Variants in EPHB2 observed in about 807,000 individuals in gnomAD.
The protein encoded by EPHB2 is ephrin type-B receptor 2.
EPHB2 carries 18 observed loss-of-function variants against 96.4 expected under a neutral mutation model. That is an observed-to-expected ratio of 0.19 (90% confidence interval 0.13 to 0.28). EPHB2 has a LOEUF of 0.28. Among genes scored for constraint, EPHB2 ranks in the 10% least tolerant of loss-of-function variants. The pLI, the probability that EPHB2 is intolerant of heterozygous loss-of-function variation, is 1.00. For missense variants in EPHB2, 989 were observed against 1,355.4 expected (o/e 0.73, Z 4.25); for synonymous variants, 506 against 534.1 (o/e 0.95, Z 0.72).
intron 3 of EPHB2, among the ~76,000 whole-genome samples, chr1:22,834,556 G>A (rs1450346432): frequency 6.6e-6 from 1 of 152,044 alleles, no homozygotes; most frequent in African/African-American, 2.4e-5. Flanking sequence ...CTGCCATTGT[G>A]ACATAAAATC....
Position 22,913,761 on chromosome 1 carries a change from A to T in EPHB2, c.*191A>T. On this transcript the variant is annotated 3_prime_UTR_variant, in exon 16 of 16. Coordinates refer to ENST00000374630, the MANE Select transcript of EPHB2 (RefSeq NM_017449.5). The surrounding 1 kb of genome is among the most constrained non-coding windows in gnomAD (Gnocchi z 4.1). ...TGCAACTCAAACGACGGAAAAAAAA[A>T]GGGAATGGGAAAAAAGAAAACAGAT... The T allele has an allele frequency of 6.2e-7, 1 of 1,606,332 alleles. No individual in the cohort carries two copies. Among genetic ancestry groups the T allele is most frequent in the Non-Finnish European group, 8.5e-7 (1 of 1,176,196 alleles).
At chr1:22,736,123 C>A (rs1218046289) in intron 1 of EPHB2, among the ~76,000 whole-genome samples, 1 of 152,146 alleles carries the variant, frequency 6.6e-6, no homozygotes, top group Non-Finnish European at 1.5e-5. Flanking sequence ...TAAAGATGAT[C>A]GTAGTGGTCA....
intron 1 of EPHB2, among the ~76,000 whole-genome samples, chr1:22,758,651 C>G (rs1048251717): frequency 4.1e-4 from 62 of 151,778 alleles, no homozygotes; most frequent in Non-Finnish European, 2.5e-4. Flanking sequence ...ACCTCTCACA[C>G]ATGGTCTTTC....
intron 6 of EPHB2, among the ~76,000 whole-genome samples, chr1:22,890,531 T>C (rs756641956): frequency 4.6e-5 from 7 of 152,134 alleles, no homozygotes; most frequent in Non-Finnish European, 1.0e-4. Flanking sequence ...TGCACATCTT[T>C]GTCTGGGTGG....
At chr1:22,719,781 G>T (rs1439368013) in intron 1 of EPHB2, among the ~76,000 whole-genome samples, 1 of 152,206 alleles carries the variant, frequency 6.6e-6, no homozygotes, top group African/African-American at 2.4e-5. Context: ...CCAGGGTTCA[G>T]GGGTTCAGGC....
intron 2 of EPHB2, among the ~76,000 whole-genome samples, chr1:22,782,532 GTCA>G (rs1644549600): frequency 1.3e-5 from 2 of 150,724 alleles, no homozygotes; most frequent in Non-Finnish European, 2.9e-5. Flanking sequence ...GCTCTTTCTT[GTCA>G]CCAATTTTCC....
rs541035907 is a variant in EPHB2, at chr1:22,913,699, C to G, written c.*129C>G. ...GGAGGCCACGGGCCACGGGAAGAACCAAGCGGTGCCAGCCACGAGACGTCA... is the reference window on the plus strand; with the variant it reads ...GGAGGCCACGGGCCACGGGAAGAACGAAGCGGTGCCAGCCACGAGACGTCA... On this transcript the variant is annotated 3_prime_UTR_variant, in exon 16 of 16. Coordinates refer to ENST00000374630, the MANE Select transcript of EPHB2 (RefSeq NM_017449.5). The surrounding 1 kb of genome is among the most constrained non-coding windows in gnomAD (Gnocchi z 4.1). 6 of 1,602,374 alleles carry G rather than the reference C, an allele frequency of 3.7e-6. No homozygotes were observed. The African/African-American group carries it at 8.0e-5, about 21-fold the overall frequency.
At chr1:22,777,131 A>G (rs1644463955) in intron 1 of EPHB2, among the ~76,000 whole-genome samples, 1 of 152,232 alleles carries the variant, frequency 6.6e-6, no homozygotes, top group Non-Finnish European at 1.5e-5. Context: ...GGGCAGGCCA[A>G]GAAGATGTAG....
At chr1:22,884,304 G>A (rs535757473) in intron 6 of EPHB2, among the ~76,000 whole-genome samples, 2 of 152,238 alleles carry the variant, frequency 1.3e-5, no homozygotes, top group South Asian at 2.1e-4. Flanking sequence ...TCAGGAGTTC[G>A]AGACCAGCCT....
At chr1:22,890,498 C>T (rs1172871908) in intron 6 of EPHB2, among the ~76,000 whole-genome samples, 1 of 152,100 alleles carries the variant, frequency 6.6e-6, no homozygotes, top group African/African-American at 2.4e-5. Context: ...TTCCTCTGAA[C>T]CTGCTGCCCC....
Position 22,858,537 on chromosome 1 carries a change from C to G in EPHB2, c.812-4500C>G, listed in dbSNP as rs1381272212. 1.3e-5 allele frequency among the ~76,000 whole-genome samples: 2 copies of G among 152,204 alleles called. No individual in the cohort carries two copies. Among genetic ancestry groups the G allele is most frequent in the African/African-American group, 4.8e-5 (2 of 41,446 alleles). On this transcript the variant is annotated intron_variant, in intron 3 of 15. Coordinates refer to ENST00000374630, the MANE Select transcript of EPHB2 (RefSeq NM_017449.5). This position sits in a 1 kb window ranked among gnomAD's most constrained non-coding sequence, Gnocchi z 7.7. ...AGGGGAGGAGGCCTTCCCAAGCCCACACGCCCGTCAGAGGTACAACTGCCT... is the reference window on the plus strand; with the variant it reads ...AGGGGAGGAGGCCTTCCCAAGCCCAGACGCCCGTCAGAGGTACAACTGCCT...
chr1:22,874,581 G>T (rs971568839), intron 5 of EPHB2, among the ~76,000 whole-genome samples: 2 of 152,200 alleles, frequency 1.3e-5, no homozygotes, highest in Admixed American at 6.5e-5. Flanking sequence ...CAGCCCTGCT[G>T]CCTGGGGTGT....
Position 22,916,943 on chromosome 1 carries a change from CT to C in EPHB2, c.*3374del, listed in dbSNP as rs1366418484. On this transcript the variant is annotated 3_prime_UTR_variant, in exon 16 of 16. Transcript: ENST00000374630. The surrounding 1 kb of genome is among the most constrained non-coding windows in gnomAD (Gnocchi z 4.2). ...TTGTTGGTGCTCAGCAGTCCTCTCC[CT>C]CGGGGATGATATCCAAAATATCAAC... The C allele has an allele frequency of 5.3e-5, 8 of 152,242 alleles. No homozygotes were observed. The highest frequency in any genetic ancestry group is 2.0e-4 in the Admixed American group (3 of 15,276). The allele number at this position is 152,242 out of a possible 1,614,324, so 9.4% of individuals were successfully genotyped here.
In EPHB2 at chr1:22,858,235, G is replaced by GA. The variant is rs961226509; in HGVS notation, c.812-4802_812-4801insA. On this transcript the variant is annotated intron_variant, in intron 3 of 15. Coordinates refer to ENST00000374630, the MANE Select transcript of EPHB2 (RefSeq NM_017449.5). The surrounding 1 kb of genome is among the most constrained non-coding windows in gnomAD (Gnocchi z 7.7). ...GGAGCGCAGTGAGTGAGAGGAGGAG[G>GA]GGGAAGCGTCCAGGAGACCATCAGG... Among the ~76,000 whole-genome samples the GA allele has an allele frequency of 9.5e-5, 10 of 105,002 alleles. No homozygotes were observed. The highest frequency in any genetic ancestry group is 2.6e-4 in the East Asian group (1 of 3,872). The allele number at this position is 105,002 out of a possible 152,430, so 68.9% of individuals were successfully genotyped here.
chr1:22,821,604 C>G (rs4655124), intron 3 of EPHB2, among the ~76,000 whole-genome samples: 32,162 of 152,202 alleles, frequency 0.21, 3,484 homozygotes, highest in South Asian at 0.32. Context: ...GAAATGCCCT[C>G]TGTCCCTCCT....
rs1019552832 is a variant in EPHB2 at position 22,858,650 on chromosome 1, G to A, written c.812-4387G>A. On this transcript the variant is annotated intron_variant, in intron 3 of 15. Coordinates refer to ENST00000374630, the MANE Select transcript of EPHB2 (RefSeq NM_017449.5). This position sits in a 1 kb window ranked among gnomAD's most constrained non-coding sequence, Gnocchi z 7.7. The stretch of plus-strand genomic sequence containing the variant: ...GGACAGGTTCCCTTCCCACCCAGAA[G>A]TTGGGAGTGGTGTGGCCCCCCGGGC... 7.2e-5 allele frequency among the ~76,000 whole-genome samples: 11 copies of A among 152,184 alleles called. No individual in the cohort carries two copies. Among genetic ancestry groups the A allele is most frequent in the Non-Finnish European group, 1.6e-4 (11 of 68,036 alleles).
At chr1:22,872,624 C>T (rs1419243764) in intron 5 of EPHB2, among the ~76,000 whole-genome samples, 2 of 152,192 alleles carry the variant, frequency 1.3e-5, no homozygotes, top group Admixed American at 6.5e-5. Flanking sequence ...CACAGAGGTT[C>T]CTTAGTGGCT....
chr1:22,908,175 T>C lies in EPHB2; in HGVS notation c.2352+7T>C. 6.2e-7 allele frequency: 1 copy of C among 1,614,210 alleles called. No individual in the cohort carries two copies. The highest frequency in any genetic ancestry group is 8.5e-7 in the Non-Finnish European group (1 of 1,180,032). ...CACCTACACCAGTGCCCTGGTAAGA[T>C]GGAGGCAGGGAACACCGGAGTCACA... On this transcript the variant is annotated splice_region_variant and intron_variant, in intron 12 of 15. Coordinates refer to ENST00000374630, the MANE Select transcript of EPHB2 (RefSeq NM_017449.5).
intron 1 of EPHB2, among the ~76,000 whole-genome samples, chr1:22,711,332 G>A (rs1184980146): frequency 6.8e-6 from 1 of 147,864 alleles, no homozygotes; most frequent in African/African-American, 2.4e-5. Context: ...GGCTGCCCAC[G>A]CGCGCTCGCC....
Sources: allele counts gnomAD v4.1 joint callset (sites outside exome capture counted in the v4.1 genomes callset), GRCh38; gene constraint gnomAD v4.1.1; non-coding constraint Gnocchi (gnomAD v3.1); transcripts MANE v1.5; gene names NCBI Gene and HGNC (gene_info 2026-07-23, HGNC 2026-07-21).